The following ARHGAP15 variants were observed in gnomAD, a reference collection of about 807,000 sequenced individuals.
ARHGAP15 encodes the protein rho GTPase-activating protein 15.
Under a neutral mutation model 63.7 loss-of-function variants are expected in ARHGAP15, and 51 were observed. The ratio of observed to expected loss-of-function variants is 0.80; its 90% CI spans 0.64 to 1.01. The LOEUF is 1.01. ARHGAP15 is among the 50% of genes least tolerant of loss of function. ARHGAP15 has a pLI of 0.00. For synonymous variants in ARHGAP15, 191 were observed against 193.8 expected, an observed-to-expected ratio of 0.99 and a Z score of 0.12; for missense variants, 560 against 564.6, an observed-to-expected ratio of 0.99 and a Z score of 0.08.
At chr2:143,508,748 A>C (rs1693436673) in intron 9 of ARHGAP15, among the ~76,000 whole-genome samples, 1 of 152,172 alleles carries the variant, frequency 6.6e-6, no homozygotes, top group African/African-American at 2.4e-5. Context: ...CCATTTGGTT[A>C]ATAACTCTTT....
chr2:143,263,999 T>TC (rs1397821103), intron 6 of ARHGAP15, among the ~76,000 whole-genome samples: 5 of 146,374 alleles, frequency 3.4e-5, no homozygotes, highest in Non-Finnish European at 7.5e-5. Context: ...AGGTTTTTTT[T>TC]CATCATTCAT....
At chr2:143,551,081 T>C (rs947584199) in intron 10 of ARHGAP15, among the ~76,000 whole-genome samples, 3 of 152,182 alleles carry the variant, frequency 2.0e-5, no homozygotes, top group Non-Finnish European at 4.4e-5. Context: ...GAGAAATCAA[T>C]AAATACCATT....
intron 11 of ARHGAP15, among the ~76,000 whole-genome samples, chr2:143,581,367 C>T (rs1023846389): frequency 3.9e-5 from 6 of 152,126 alleles, no homozygotes; most frequent in Non-Finnish European, 4.4e-5. Context: ...TCTTGGAGTG[C>T]CCTTCCACCC....
chr2:143,588,176 T>G (rs1697182858), intron 11 of ARHGAP15, among the ~76,000 whole-genome samples: 3 of 152,214 alleles, frequency 2.0e-5, no homozygotes. Context: ...TGGCACCTGC[T>G]GTCTACCCCT....
chr2:143,453,647 G>A (rs116427581), intron 8 of ARHGAP15, among the ~76,000 whole-genome samples: 5,237 of 151,998 alleles, frequency 0.034, 115 homozygotes, highest in Non-Finnish European at 0.051. Flanking sequence ...GGGAAAAATA[G>A]TATATTGAGT....
intron 6 of ARHGAP15, among the ~76,000 whole-genome samples, chr2:143,396,907 A>G (rs1484414279): frequency 6.6e-6 from 1 of 152,122 alleles, no homozygotes; most frequent in Admixed American, 6.6e-5. Flanking sequence ...AATTATCTCA[A>G]TATTTCTAAC....
At chr2:143,237,944 T>A (rs920730049) in intron 5 of ARHGAP15, 3 of 152,200 alleles carry the variant, frequency 2.0e-5, no homozygotes, top group African/African-American at 7.2e-5. Context: ...ATTTTTACTT[T>A]TTAAAAATTA....
intron 6 of ARHGAP15, among the ~76,000 whole-genome samples, chr2:143,335,601 C>T (rs1279989882): frequency 6.6e-6 from 1 of 152,134 alleles, no homozygotes; most frequent in African/African-American, 2.4e-5. Context: ...CTCTTCTATT[C>T]ATTCAGTATA....
chr2:143,501,150 A>G (rs899358737), intron 9 of ARHGAP15, among the ~76,000 whole-genome samples: 1 of 152,200 alleles, frequency 6.6e-6, no homozygotes, highest in Non-Finnish European at 1.5e-5. Flanking sequence ...TCTTGAGGAT[A>G]TCTTAATATG....
intron 6 of ARHGAP15, among the ~76,000 whole-genome samples, chr2:143,398,555 G>A (rs1687867481): frequency 6.6e-6 from 1 of 152,072 alleles, no homozygotes; most frequent in Non-Finnish European, 1.5e-5. Context: ...CAGTGGAATG[G>A]AAATAAGAGT....
intron 12 of ARHGAP15, among the ~76,000 whole-genome samples, chr2:143,636,694 TCTC>T (rs1372438106): frequency 8.5e-5 from 13 of 152,282 alleles, no homozygotes; most frequent in African/African-American, 3.1e-4. Flanking sequence ...TGTTCAGTGC[TCTC>T]CTTTCTTCCT....
chr2:143,589,951 G>A (rs1697258327), intron 11 of ARHGAP15, among the ~76,000 whole-genome samples: 1 of 152,210 alleles, frequency 6.6e-6, no homozygotes, highest in Non-Finnish European at 1.5e-5. Context: ...GCAGAAAGGT[G>A]TGGCTTATAT....
intron 6 of ARHGAP15, among the ~76,000 whole-genome samples, chr2:143,385,603 A>G (rs1274296021): frequency 6.6e-6 from 1 of 152,100 alleles, no homozygotes; most frequent in Non-Finnish European, 1.5e-5. Context: ...AGGTGGAATT[A>G]TAGTAGTAAT....
rs527386142 is a variant in ARHGAP15, at chr2:143,139,696, G to A, written c.-15+10230G>A. Among the ~76,000 whole-genome samples, 40 of 152,158 alleles carry A rather than the reference G, an allele frequency of 2.6e-4. 1 individual carries two copies. Among genetic ancestry groups the A allele is most frequent in the Middle Eastern group, 6.8e-3 (2 of 294 alleles). ...GTGAAGCATGGAGAAATTGAATTGCGGGAGGACACAGAAGGGCTAGGACAC... is the reference window on the plus strand; with the variant it reads ...GTGAAGCATGGAGAAATTGAATTGCAGGAGGACACAGAAGGGCTAGGACAC... On this transcript the variant is annotated intron_variant, in intron 1 of 13. Coordinates refer to ENST00000295095, the MANE Select transcript of ARHGAP15 (RefSeq NM_018460.4).
At chr2:143,601,727 T>C (rs1697779566) in intron 11 of ARHGAP15, 1 of 152,212 alleles carries the variant, frequency 6.6e-6, no homozygotes, top group Non-Finnish European at 1.5e-5. Context: ...GGTGTCTCAC[T>C]TAAAATAAGA....
intron 13 of ARHGAP15, among the ~76,000 whole-genome samples, chr2:143,714,442 G>A (rs1488406164): frequency 6.6e-6 from 1 of 152,222 alleles, no homozygotes; most frequent in African/African-American, 2.4e-5. Context: ...CTCTGACATG[G>A]CCTGGAGACA....
chr2:143,730,214 A>C (rs1033259702), intron 13 of ARHGAP15, among the ~76,000 whole-genome samples: 4 of 152,232 alleles, frequency 2.6e-5, no homozygotes, highest in African/African-American at 4.8e-5. Context: ...ACGCAGCCAA[A>C]GTGAGAAGAT....
chr2:143,700,147 G>A (rs1684020991), intron 12 of ARHGAP15, among the ~76,000 whole-genome samples: 1 of 152,184 alleles, frequency 6.6e-6, no homozygotes, highest in Admixed American at 6.5e-5. Flanking sequence ...GTGAAGTGTT[G>A]TGTAAGTAGA....
intron 6 of ARHGAP15, among the ~76,000 whole-genome samples, chr2:143,418,449 A>T (rs1688777417): frequency 6.6e-6 from 1 of 152,202 alleles, no homozygotes; most frequent in South Asian, 2.1e-4. Flanking sequence ...ATAGTGAGAC[A>T]TACTTTCTTT....
Sources: allele counts gnomAD v4.1 joint callset (sites outside exome capture counted in the v4.1 genomes callset), GRCh38; gene constraint gnomAD v4.1.1; transcripts MANE v1.5; gene names NCBI Gene and HGNC (gene_info 2026-07-23, HGNC 2026-07-21).